CHRM3: variants seen among roughly 807,000 people sequenced by gnomAD.
CHRM3 encodes cholinergic receptor muscarinic 3, also known as muscarinic acetylcholine receptor M3.
CHRM3 carries 11 observed loss-of-function variants against 41.8 expected under a neutral mutation model. The observed-to-expected ratio is 0.26, with a 90% confidence interval of 0.17 to 0.44. The LOEUF is 0.44. CHRM3 is among the 20% of genes least tolerant of loss of function. The pLI is 1.00. For synonymous variants in CHRM3, 297 were observed against 301.4 expected, an observed-to-expected ratio of 0.99 and a Z score of 0.15; for missense variants, 571 against 745.4, an observed-to-expected ratio of 0.77 and a Z score of 2.72.
In CHRM3 at chr1:239,907,462, A is replaced by G; in HGVS notation, c.11A>G (p.His4Arg). Residue 4 changes from histidine (H) to arginine (R), a missense_variant, in exon 7 of 7, where the codon CAC becomes CGC. Coordinates refer to ENST00000676153, the MANE Select transcript of CHRM3 (RefSeq NM_001375978.1). This position sits in a 1 kb window ranked among gnomAD's most constrained non-coding sequence, Gnocchi z 5.4. The part of the protein sequence containing the change: MTL[H>R]NNSTTSPLFP... ...TGTCAGAGAGTCACAATGACCTTGC[A>G]CAATAACAGTACAACCTCGCCTTTG... is the stretch of plus-strand genomic sequence containing the variant. The G allele has an allele frequency of 1.9e-6, 3 of 1,613,398 alleles. No homozygotes were observed. Among genetic ancestry groups the G allele is most frequent in the Non-Finnish European group, 2.5e-6 (3 of 1,179,508 alleles).
chr1:239,565,992 G>A lies in CHRM3; in HGVS notation c.-313+20243G>A, dbSNP rs528324454. 2.8e-5 allele frequency among the ~76,000 whole-genome samples: 4 copies of A among 144,260 alleles called. No individual in the cohort carries two copies. The South Asian group carries it at 8.6e-4, about 31-fold the overall frequency. The allele number at this position is 144,260 out of a possible 152,430, so 94.6% of individuals were successfully genotyped here. ...TGCAGTCGTGTGATCATGGCTCACT[G>A]CAGCCTTGAGCTTCTGGGCTCAAGT... is the stretch of plus-strand genomic sequence containing the variant. On this transcript the variant is annotated intron_variant, in intron 3 of 6. Transcript: ENST00000676153.
chr1:239,759,642 G>A (rs73122588), intron 5 of CHRM3, among the ~76,000 whole-genome samples: 9,463 of 152,134 alleles, frequency 0.062, 722 homozygotes, highest in African/African-American at 0.17. Flanking sequence ...GTTTTGAAAT[G>A]AACTGTAAAA....
chr1:239,449,550 T>C (rs1363097203), intron 1 of CHRM3, among the ~76,000 whole-genome samples: 1 of 152,162 alleles, frequency 6.6e-6, no homozygotes, highest in Non-Finnish European at 1.5e-5. Flanking sequence ...TTGATCTAGA[T>C]AGCAACTTTG....
At chr1:239,627,599 G>A (rs933288351) in intron 3 of CHRM3, among the ~76,000 whole-genome samples, 6 of 138,442 alleles carry the variant, frequency 4.3e-5, no homozygotes, top group African/African-American at 1.1e-4. Context: ...TCCTAGTCTC[G>A]ATGGTCTTTA....
intron 1 of CHRM3, among the ~76,000 whole-genome samples, chr1:239,456,649 GTGTACA>G (rs778224843): frequency 3.3e-5 from 5 of 152,178 alleles, no homozygotes; most frequent in Non-Finnish European, 7.3e-5. Flanking sequence ...TGCCAAAGTA[GTGTACA>G]TGAATGGCCC....
chr1:239,778,726 G>C (rs975196212), intron 5 of CHRM3, among the ~76,000 whole-genome samples: 3 of 152,124 alleles, frequency 2.0e-5, no homozygotes, highest in Non-Finnish European at 4.4e-5. Context: ...TAGGGGATTT[G>C]GATTTGATTC....
rs1466502693 is a variant in CHRM3, at chr1:239,645,403, A to ATGAT, written c.-250+13118_-250+13121dup. ...CTCTAGTGATATTGTAGTACATTAT[A>ATGAT]TGATCACAGATTAAAAACCAATATT... On this transcript the variant is annotated intron_variant, in intron 4 of 6. Coordinates refer to ENST00000676153, the MANE Select transcript of CHRM3 (RefSeq NM_001375978.1). 5.9e-5 allele frequency among the ~76,000 whole-genome samples: 9 copies of ATGAT among 152,372 alleles called. No homozygotes were observed. In the East Asian group the frequency reaches 9.6e-4, roughly 16 times the overall value.
rs1661097937 is a variant in CHRM3 at position 239,411,845 on chromosome 1, A to C, written c.-521+24618A>C. On this transcript the variant is annotated intron_variant, in intron 1 of 6. Coordinates refer to ENST00000676153, the MANE Select transcript of CHRM3 (RefSeq NM_001375978.1). Reference sequence around the variant, plus strand: ...AATTCTCAAGGCTTGTGATAAAATAATAGCAGTCCTCAGTGCACGATCCCC... The same window carrying C: ...AATTCTCAAGGCTTGTGATAAAATACTAGCAGTCCTCAGTGCACGATCCCC... 2.0e-5 allele frequency among the ~76,000 whole-genome samples: 3 copies of C among 151,772 alleles called. No individual in the cohort carries two copies. In the South Asian group the frequency reaches 6.2e-4, roughly 32 times the overall value.
chr1:239,609,983 G>A (rs1053906281), intron 3 of CHRM3, among the ~76,000 whole-genome samples: 4 of 151,936 alleles, frequency 2.6e-5, no homozygotes, highest in Non-Finnish European at 5.9e-5. Flanking sequence ...ACGAGGTCAG[G>A]AGATCAAGAC....
intron 6 of CHRM3, among the ~76,000 whole-genome samples, chr1:239,859,695 C>T (rs949039605): frequency 2.7e-5 from 4 of 150,834 alleles, no homozygotes; most frequent in South Asian, 2.1e-4. Flanking sequence ...GGATTACAGG[C>T]GTGAGCCACC....
At chr1:239,662,104 G>GGT (rs1673252014) in intron 4 of CHRM3, among the ~76,000 whole-genome samples, 6 of 108,972 alleles carry the variant, frequency 5.5e-5, no homozygotes, top group African/African-American at 1.1e-4. Flanking sequence ...TTCAGTTTTA[G>GGT]ATGTGTGTGT....
intron 3 of CHRM3, among the ~76,000 whole-genome samples, chr1:239,601,051 A>G (rs1665470138): frequency 6.6e-6 from 1 of 152,208 alleles, no homozygotes; most frequent in South Asian, 2.1e-4. Flanking sequence ...CATCTCCCTC[A>G]TTTGAAATAT....
At chr1:239,583,240 TA>T (rs1663072953) in intron 3 of CHRM3, among the ~76,000 whole-genome samples, 1 of 152,212 alleles carries the variant, frequency 6.6e-6, no homozygotes, top group Non-Finnish European at 1.5e-5. Flanking sequence ...GTGTATTTTG[TA>T]TTAAACATGC....
chr1:239,795,323 T>C (rs1669682282), intron 5 of CHRM3, among the ~76,000 whole-genome samples: 1 of 152,198 alleles, frequency 6.6e-6, no homozygotes, highest in African/African-American at 2.4e-5. Flanking sequence ...TCCTTAAAGT[T>C]TGTTTTTCTC....
intron 1 of CHRM3, among the ~76,000 whole-genome samples, chr1:239,492,230 A>G (rs1667600106): frequency 6.6e-6 from 1 of 152,122 alleles, no homozygotes; most frequent in African/African-American, 2.4e-5. Flanking sequence ...CTACCTACCT[A>G]GAGAGCTCTG....
intron 3 of CHRM3, among the ~76,000 whole-genome samples, chr1:239,603,119 T>A (rs910139282): frequency 1.3e-5 from 2 of 152,210 alleles, no homozygotes; most frequent in Non-Finnish European, 2.9e-5. Flanking sequence ...TATTTGTATT[T>A]TAGTGACCAG....
intron 2 of CHRM3, among the ~76,000 whole-genome samples, chr1:239,538,625 C>T (rs1351405876): frequency 2.6e-5 from 4 of 152,132 alleles, no homozygotes; most frequent in African/African-American, 7.2e-5. Context: ...CTTACTTAAA[C>T]TTCATTAAAA....
intron 4 of CHRM3, 148 bp from the exon 5 acceptor site, chr1:239,678,038 A>C (rs1201652239): frequency 6.6e-6 from 1 of 152,218 alleles, no homozygotes; most frequent in African/African-American, 2.4e-5. Flanking sequence ...TTTCTTGATG[A>C]AGTATATTTG....
At chr1:239,582,392 C>T (rs183280322) in intron 3 of CHRM3, among the ~76,000 whole-genome samples, 8 of 152,152 alleles carry the variant, frequency 5.3e-5, no homozygotes, top group East Asian at 1.9e-4. Flanking sequence ...GTTATTTTAT[C>T]GCTAACTCAG....
Sources: gnomAD v4.1 joint callset for allele counts (sites outside exome capture counted in the v4.1 genomes callset) on GRCh38, gnomAD v4.1.1 for gene constraint, Gnocchi (gnomAD v3.1) non-coding constraint, MANE v1.5 for transcripts, NCBI Gene and HGNC (gene_info 2026-07-23, HGNC 2026-07-21) for gene names.